TAFA1: variants seen among roughly 807,000 people sequenced by gnomAD.
TAFA1 encodes the protein chemokine-like protein TAFA-1.
Under a neutral mutation model 18.5 loss-of-function variants are expected in TAFA1, and 4 were observed. The ratio of observed to expected loss-of-function variants is 0.22; its 90% CI spans 0.11 to 0.49. The LOEUF is 0.49. Ranked by LOEUF, TAFA1 falls within the 20% of genes least tolerant of loss-of-function variation. The pLI is 0.98. For synonymous variants in TAFA1, 56 were observed against 55.2 expected (o/e 1.01, Z -0.06); for missense variants, 147 against 169.0 (o/e 0.87, Z 0.72).
chr3:68,364,077 C>G (rs192394667), intron 2 of TAFA1, among the ~76,000 whole-genome samples: 103 of 152,212 alleles, frequency 6.8e-4, no homozygotes, highest in African/African-American at 2.2e-3. Context: ...AGGAAAAAAG[C>G]TGAGAAATTT....
intron 2 of TAFA1, among the ~76,000 whole-genome samples, chr3:68,351,691 A>T (rs976529670): frequency 6.6e-5 from 10 of 152,016 alleles, no homozygotes; most frequent in Non-Finnish European, 1.5e-4. Context: ...AAGGGAGAAG[A>T]CAAATAACTG....
intron 2 of TAFA1, among the ~76,000 whole-genome samples, chr3:68,222,599 A>G (rs537002735): frequency 1.3e-5 from 2 of 152,218 alleles, no homozygotes; most frequent in South Asian, 4.1e-4. Context: ...GATTAAACAT[A>G]TTTTCTAATG....
At chr3:68,463,600 A>G (rs562212087) in intron 3 of TAFA1, among the ~76,000 whole-genome samples, 181 of 152,214 alleles carry the variant, frequency 1.2e-3, no homozygotes, top group African/African-American at 3.9e-3. Context: ...TCCACAATGA[A>G]TCTTGATCCA....
chr3:68,226,082 T>G (rs900071811), intron 2 of TAFA1, among the ~76,000 whole-genome samples: 1 of 152,230 alleles, frequency 6.6e-6, no homozygotes, highest in Non-Finnish European at 1.5e-5. Context: ...TCAGTTTACT[T>G]GTTCAAAGAA....
At chr3:68,008,631 G>C (rs554215013) in intron 2 of TAFA1, among the ~76,000 whole-genome samples, 2 of 152,310 alleles carry the variant, frequency 1.3e-5, no homozygotes, top group African/African-American at 4.8e-5. Flanking sequence ...TCCTCAGGAG[G>C]CGAAAATGCC....
chr3:68,481,877 C>T (rs1029813353), intron 3 of TAFA1, among the ~76,000 whole-genome samples: 6 of 152,200 alleles, frequency 3.9e-5, no homozygotes, highest in African/African-American at 1.4e-4. Flanking sequence ...CTTCATTTCA[C>T]ACTGAAACAC....
intron 3 of TAFA1, among the ~76,000 whole-genome samples, chr3:68,440,078 A>G (rs2071345906): frequency 6.6e-6 from 1 of 151,310 alleles, no homozygotes; most frequent in South Asian, 2.1e-4. Context: ...TGTAACCCCC[A>G]CAATTCCCAC....
At chr3:68,195,698 C>G (rs549149233) in intron 2 of TAFA1, among the ~76,000 whole-genome samples, 7 of 151,804 alleles carry the variant, frequency 4.6e-5, no homozygotes, top group African/African-American at 7.2e-5. Context: ...ATCCTGTTTT[C>G]AGCCATCCCT....
chr3:68,105,919 G>T (rs542259398), intron 2 of TAFA1, among the ~76,000 whole-genome samples: 45 of 152,218 alleles, frequency 3.0e-4, no homozygotes, highest in African/African-American at 9.4e-4. Flanking sequence ...TCAGAAACTG[G>T]TGTTGGCTTG....
intron 2 of TAFA1, among the ~76,000 whole-genome samples, chr3:68,381,589 A>C (rs2069958682): frequency 6.6e-6 from 1 of 152,186 alleles, no homozygotes; most frequent in South Asian, 2.1e-4. Context: ...ATTGTTGTAT[A>C]AGAATGCTTG....
chr3:68,235,054 A>C (rs533702317), intron 2 of TAFA1, among the ~76,000 whole-genome samples: 1 of 152,106 alleles, frequency 6.6e-6, no homozygotes, highest in Non-Finnish European at 1.5e-5. Flanking sequence ...CGTTTGCTGG[A>C]GTTCTGAAGG....
At chr3:68,351,647 G>A (rs572213368) in intron 2 of TAFA1, among the ~76,000 whole-genome samples, 1 of 152,058 alleles carries the variant, frequency 6.6e-6, no homozygotes, top group East Asian at 1.9e-4. Flanking sequence ...CAAGACAAAG[G>A]AAAAGAACTT....
chr3:68,287,341 G>A (rs1228031482), intron 2 of TAFA1, among the ~76,000 whole-genome samples: 1 of 152,118 alleles, frequency 6.6e-6, no homozygotes, highest in Non-Finnish European at 1.5e-5. Flanking sequence ...TGAAAACCTA[G>A]TCCAGCCGCT....
At chr3:68,136,789 T>C (rs1009330032) in intron 2 of TAFA1, among the ~76,000 whole-genome samples, 2 of 152,176 alleles carry the variant, frequency 1.3e-5, no homozygotes, top group Non-Finnish European at 2.9e-5. Flanking sequence ...ATTCACTTTG[T>C]GCATTGGATT....
chr3:68,185,387 G>A (rs144738115), intron 2 of TAFA1, among the ~76,000 whole-genome samples: 1 of 152,202 alleles, frequency 6.6e-6, no homozygotes, highest in Non-Finnish European at 1.5e-5. Flanking sequence ...GGAGGTAGAA[G>A]GGACTGGAAC....
At chr3:68,380,916 G>A (rs1408928722) in intron 2 of TAFA1, among the ~76,000 whole-genome samples, 2 of 150,524 alleles carry the variant, frequency 1.3e-5, no homozygotes, top group African/African-American at 2.5e-5. Context: ...TAACATGTAA[G>A]TCTTTAATCC....
At chr3:68,512,058 G>A (rs2665551) in intron 3 of TAFA1, among the ~76,000 whole-genome samples, 30,719 of 151,908 alleles carry the variant, frequency 0.2, 3,215 homozygotes, top group Middle Eastern at 0.23. Flanking sequence ...GGGCACCAAG[G>A]TTTACAGAAG....
intron 3 of TAFA1, among the ~76,000 whole-genome samples, chr3:68,537,967 C>T (rs564410132): frequency 2.2e-4 from 34 of 152,096 alleles, no homozygotes; most frequent in African/African-American, 7.2e-4. Context: ...CTGAAGTCTT[C>T]GAGGTTAGGA....
intron 2 of TAFA1, among the ~76,000 whole-genome samples, chr3:68,174,620 C>A (rs948622625): frequency 1.3e-5 from 2 of 151,938 alleles, no homozygotes; most frequent in Non-Finnish European, 2.9e-5. Context: ...GTGTATCTGG[C>A]GGAAGAAATT....
Sources: gnomAD v4.1 joint callset for allele counts (sites outside exome capture counted in the v4.1 genomes callset) on GRCh38, gnomAD v4.1.1 for gene constraint, MANE v1.5 for transcripts, NCBI Gene and HGNC (gene_info 2026-07-23, HGNC 2026-07-21) for gene names.